The following CALD1 variants were observed in gnomAD, a reference collection of about 807,000 sequenced individuals.
The protein encoded by CALD1 is caldesmon 1.
A neutral mutation model predicts 99.9 loss-of-function variants in CALD1; 33 were observed. That is an observed-to-expected ratio of 0.33 (90% CI 0.25 to 0.44). The LOEUF (loss-of-function observed/expected upper bound fraction) is 0.44. CALD1 is among the 20% of genes least tolerant of loss of function. CALD1 has a pLI of 1.00. For missense variants in CALD1, 861 were observed against 962.1 expected, an observed-to-expected ratio of 0.89 and a Z score of 1.39; for synonymous variants, 310 against 325.0, an observed-to-expected ratio of 0.95 and a Z score of 0.50.
At chr7:134,841,477 A>C (rs146804258) in intron 1 of CALD1, among the ~76,000 whole-genome samples, 2 of 152,244 alleles carry the variant, frequency 1.3e-5, no homozygotes, top group African/African-American at 4.8e-5. Context: ...TCCCATTTTA[A>C]GGATTATGTC....
At chr7:134,957,470 A>G (rs2133220352) in intron 9 of CALD1, among the ~76,000 whole-genome samples, 1 of 152,278 alleles carries the variant, frequency 6.6e-6, no homozygotes, top group African/African-American at 2.4e-5. Context: ...CCCAGGCTGG[A>G]GTGCAGTGGC....
chr7:134,865,939 C>T (rs1249620535), intron 2 of CALD1, among the ~76,000 whole-genome samples: 1 of 152,190 alleles, frequency 6.6e-6, no homozygotes, highest in African/African-American at 2.4e-5. Context: ...AAATTGTTTG[C>T]TTATAGACGG....
intron 1 of CALD1, among the ~76,000 whole-genome samples, chr7:134,772,862 C>T (rs529017804): frequency 3.3e-5 from 5 of 152,158 alleles, no homozygotes; most frequent in Non-Finnish European, 7.3e-5. Flanking sequence ...TCTTAATGAG[C>T]CATACAGCTA....
intron 3 of CALD1, among the ~76,000 whole-genome samples, chr7:134,869,697 T>G (rs1288973088): frequency 6.6e-6 from 1 of 152,156 alleles, no homozygotes; most frequent in East Asian, 1.9e-4. Context: ...CAAAAGGGGA[T>G]TTCCTGCAGG....
At chr7:134,927,624 T>TCTTCA (rs111984491) in intron 3 of CALD1, among the ~76,000 whole-genome samples, 4 of 150,840 alleles carry the variant, frequency 2.7e-5, no homozygotes, top group African/African-American at 9.7e-5. Flanking sequence ...TCTTCTGCCT[T>TCTTCA]CTTCAGCTCA....
At chr7:134,903,634 T>C (rs1803154197) in intron 3 of CALD1, among the ~76,000 whole-genome samples, 1 of 152,090 alleles carries the variant, frequency 6.6e-6, no homozygotes, top group South Asian at 2.1e-4. Context: ...TGGCCAAGAT[T>C]GTCTCCCTGT....
At chr7:134,770,676 A>G (rs1796869808) in intron 1 of CALD1, among the ~76,000 whole-genome samples, 1 of 152,092 alleles carries the variant, frequency 6.6e-6, no homozygotes, top group Non-Finnish European at 1.5e-5. Context: ...ATCCTTAACT[A>G]TATATACAAA....
chr7:134,754,414 A>G (rs1474855352), intron 1 of CALD1, among the ~76,000 whole-genome samples: 1 of 152,242 alleles, frequency 6.6e-6, no homozygotes, highest in East Asian at 1.9e-4. Context: ...GTCTCAAGGT[A>G]CAAGCACAGA....
At chr7:134,952,836 C>G (rs1438438101) in intron 9 of CALD1, among the ~76,000 whole-genome samples, 1 of 152,162 alleles carries the variant, frequency 6.6e-6, no homozygotes, top group Non-Finnish European at 1.5e-5. Flanking sequence ...ATTATTTGTA[C>G]TTGAACCCTT....
intron 2 of CALD1, among the ~76,000 whole-genome samples, 193 bp from the exon 3 acceptor site, chr7:134,867,500 T>C (rs553181189): frequency 9.8e-5 from 15 of 152,328 alleles, no homozygotes; most frequent in Non-Finnish European, 2.1e-4. Context: ...CTTATTTGTC[T>C]CTAGGAGATT....
At chr7:134,911,498 C>T (rs1018725037) in intron 3 of CALD1, among the ~76,000 whole-genome samples, 1 of 151,940 alleles carries the variant, frequency 6.6e-6, no homozygotes, top group African/African-American at 2.4e-5. Flanking sequence ...GCAGTAAATA[C>T]TCATAAGCCT....
intron 1 of CALD1, among the ~76,000 whole-genome samples, chr7:134,801,095 C>T (rs924874679): frequency 6.6e-6 from 1 of 151,920 alleles, no homozygotes; most frequent in Non-Finnish European, 1.5e-5. Context: ...CATGTGTATT[C>T]TTCACGTCTT....
intron 3 of CALD1, among the ~76,000 whole-genome samples, chr7:134,874,782 G>C (rs1459836262): frequency 6.6e-6 from 1 of 152,154 alleles, no homozygotes; most frequent in African/African-American, 2.4e-5. Flanking sequence ...TTGATGATTA[G>C]ACATTTGAAA....
chr7:134,778,879 A>AC (rs1489898550), upstream of CALD1, among the ~76,000 whole-genome samples: 3 of 152,358 alleles, frequency 2.0e-5, no homozygotes, highest in Admixed American at 6.5e-5. Flanking sequence ...AGGAAAGTGA[A>AC]GCCAGTGAGG....
At chr7:134,815,489 C>T (rs1190158280) in intron 1 of CALD1, among the ~76,000 whole-genome samples, 1 of 152,052 alleles carries the variant, frequency 6.6e-6, no homozygotes, top group African/African-American at 2.4e-5. Context: ...ACATGTCACT[C>T]TTGCTTTGTG....
intron 3 of CALD1, among the ~76,000 whole-genome samples, chr7:134,928,447 A>C (rs1006550298): frequency 4.6e-5 from 7 of 151,618 alleles, no homozygotes; most frequent in Admixed American, 6.6e-5. Context: ...AAAAAAAAAA[A>C]AAAAAAAAAC....
chr7:134,866,579 G>A (rs923129959), intron 2 of CALD1, among the ~76,000 whole-genome samples: 4 of 152,070 alleles, frequency 2.6e-5, no homozygotes, highest in African/African-American at 9.7e-5. Flanking sequence ...TCTGAACTTG[G>A]CTTCAAAATC....
At chr7:134,829,050 A>G (rs1799118411) in intron 1 of CALD1, among the ~76,000 whole-genome samples, 1 of 152,220 alleles carries the variant, frequency 6.6e-6, no homozygotes, top group South Asian at 2.1e-4. Flanking sequence ...CATGTTGGCC[A>G]TTCATTCATT....
At chr7:134,946,921 A>T (rs181268437) in intron 7 of CALD1, among the ~76,000 whole-genome samples, 15 of 151,920 alleles carry the variant, frequency 9.9e-5, no homozygotes, top group African/African-American at 3.6e-4. Flanking sequence ...TCCTGAGCTC[A>T]GGCAATCCGC....
Sources: gnomAD v4.1 joint callset for allele counts (sites outside exome capture counted in the v4.1 genomes callset) on GRCh38, gnomAD v4.1.1 for gene constraint, MANE v1.5 for transcripts, NCBI Gene and HGNC (gene_info 2026-07-23, HGNC 2026-07-21) for gene names.